TCP11L2: variants seen among roughly 807,000 people sequenced by gnomAD.
TCP11L2 encodes T-complex protein 11-like protein 2.
A neutral mutation model predicts 50.7 loss-of-function variants in TCP11L2; 39 were observed. The ratio of observed to expected loss-of-function variants is 0.77; its 90% CI spans 0.60 to 1.01. The LOEUF (loss-of-function observed/expected upper bound fraction) is 1.01, where lower values mean the gene tolerates loss of function less well. Ranked by LOEUF, TCP11L2 falls within the 50% of genes least tolerant of loss-of-function variation. The pLI, the probability that TCP11L2 is intolerant of heterozygous loss-of-function variation, is 0.00. For missense variants in TCP11L2, 612 were observed against 614.7 expected (o/e 1.00, Z 0.05); for synonymous variants, 192 against 219.3 (o/e 0.88, Z 1.10).
At chr12:106,325,137 A>G (rs2035491725) in intron 6 of TCP11L2, 1 of 152,166 alleles carries the variant, frequency 6.6e-6, no homozygotes, top group African/African-American at 2.4e-5. Context: ...GTTACCCCCC[A>G]TTTTATGGGT....
Position 106,346,291 on chromosome 12 carries a change from C to A in TCP11L2, c.1321C>A (p.Arg441=). ...DNPIWSLIDK[R]IKLYMRRLLC... ...TATCTTTTTTTCCCCTTCAGATAAACGAATTAAGCTTTACATGAGAAGGCT... is the reference window on the plus strand; with the variant it reads ...TATCTTTTTTTCCCCTTCAGATAAAAGAATTAAGCTTTACATGAGAAGGCT... Residue 441 remains arginine, a synonymous_variant, in exon 10 of 10, where the codon CGA becomes AGA. Transcript: ENST00000299045. 2 of 1,595,394 alleles carry A rather than the reference C, an allele frequency of 1.3e-6. No homozygotes were observed. The highest frequency in any genetic ancestry group is 2.2e-5 in the South Asian group (2 of 89,582).
Position 106,323,582 on chromosome 12 carries a change from C to T in TCP11L2, c.708C>T (p.His236=), listed in dbSNP as rs138241328. The T allele has an allele frequency of 6.2e-7, 1 of 1,607,468 alleles. No individual in the cohort carries two copies. The highest frequency in any genetic ancestry group is 8.5e-7 in the Non-Finnish European group (1 of 1,177,052). Residue 236 remains histidine (H), a synonymous_variant, in exon 6 of 10, where the codon CAC becomes CAT. Transcript: ENST00000299045. ...TTACAATTATGAGTCTCAGACCGCA[C>T]CTTCAACGCCAGTTGGTGGAATATG... ...ANFTIMSLRP[H]LQRQLVEYER...
At chr12:106,313,889 C>G (rs1186704685) in intron 2 of TCP11L2, among the ~76,000 whole-genome samples, 2 of 150,766 alleles carry the variant, frequency 1.3e-5, no homozygotes, top group Admixed American at 1.3e-4. Flanking sequence ...CCTCAGCCTT[C>G]CGAGTAGCTG....
chr12:106,298,628 T>A (rs574120531), upstream of TCP11L2, among the ~76,000 whole-genome samples: 1 of 152,098 alleles, frequency 6.6e-6, no homozygotes, highest in Admixed American at 6.5e-5. Flanking sequence ...TTCAAGCAAT[T>A]CTCCTGCCTC....
chr12:106,314,327 C>G (rs2034981166), intron 2 of TCP11L2, 31 bp from the exon 3 acceptor site: 1 of 1,588,724 alleles, frequency 6.3e-7, no homozygotes, highest in Non-Finnish European at 8.6e-7. Context: ...TTTTCTTCTG[C>G]AACATTAACT....
Position 106,335,656 on chromosome 12 carries a change from A to C in TCP11L2, c.790A>C (p.Thr264Pro). The change falls in exon 7 of 10, where the codon ACA (threonine) becomes CCA (proline). Residue 264 changes from threonine (T) to proline (P), a missense_variant. Coordinates refer to ENST00000299045, the MANE Select transcript of TCP11L2 (RefSeq NM_152772.3). ...ACTCTTAGGTGCTCTTGATCAGACT[A>C]CAGAATGGATAAAAGAATCTGTAAA... ...EETPSALDQTTEWIKESVNEE... is the reference protein window; with the variant it reads ...EETPSALDQTPEWIKESVNEE... The C allele has an allele frequency of 6.2e-7, 1 of 1,614,210 alleles. No individual in the cohort carries two copies. The highest frequency in any genetic ancestry group is 1.1e-5 in the South Asian group (1 of 91,086).
In TCP11L2 at chr12:106,344,477, A is replaced by G. The variant is rs2036176729; in HGVS notation, c.1316-1809A>G. Among the ~76,000 whole-genome samples, 3 of 152,244 alleles carry G rather than the reference A, an allele frequency of 2.0e-5. 1 individual carries two copies. In the South Asian group the frequency reaches 6.2e-4, roughly 32 times the overall value. On this transcript the variant is annotated intron_variant, in intron 9 of 9. Transcript: ENST00000299045. ...TAAGGAAAGTCACAGAAAGGAGGTA[A>G]CTTTTGGCACGACATTGAAGGATGC...
chr12:106,312,749 G>A (rs1592933880), intron 2 of TCP11L2, among the ~76,000 whole-genome samples: 1 of 152,276 alleles, frequency 6.6e-6, no homozygotes, highest in African/African-American at 2.4e-5. Flanking sequence ...GAGCATGGTG[G>A]CATGCACCTG....
chr12:106,311,357 C>A, intron 2 of TCP11L2, 125 bp downstream of exon 2: 2 of 1,096,972 alleles, frequency 1.8e-6, no homozygotes, highest in Non-Finnish European at 2.6e-6. Context: ...ACCAGAATAG[C>A]ACTGCAGAGG....
intron 5 of TCP11L2, 110 bp from the exon 6 acceptor site, chr12:106,323,399 TA>T: frequency 1.0e-6 from 1 of 996,062 alleles, no homozygotes; most frequent in Non-Finnish European, 1.4e-6. Flanking sequence ...ATTGGAACTT[TA>T]AAACCATTTT....
At position 106,346,479 on chromosome 12, in the gene TCP11L2, C is replaced by G. The variant is rs767385858; in HGVS notation, c.1509C>G (p.Leu503=). The G allele has an allele frequency of 6.2e-7, 1 of 1,614,112 alleles. No homozygotes were observed. The highest frequency in any genetic ancestry group is 8.5e-7 in the Non-Finnish European group (1 of 1,180,004). Residue 503 remains leucine, a synonymous_variant, in exon 10 of 10, where the codon CTC becomes CTG. Transcript: ENST00000299045. ...ATGCAAATATACTTCGAAAGCTGCT[C>G]TTCAATGAGGAAGCCATGGGGAAGG... ...PFYANILRKL[L]FNEEAMGKVD...
chr12:106,311,899 A>G (rs1376597121), intron 2 of TCP11L2, among the ~76,000 whole-genome samples: 1 of 152,220 alleles, frequency 6.6e-6, no homozygotes, highest in Non-Finnish European at 1.5e-5. Flanking sequence ...AATGCAGGAA[A>G]AAGCAACTAA....
At chr12:106,310,989 TGCCTGTGGAAGTACCACAGAACATTGAC>T in intron 1 of TCP11L2, 24 bp from the exon 2 acceptor site, 1 of 1,446,100 alleles carries the variant, frequency 6.9e-7, no homozygotes, top group South Asian at 1.3e-5. Flanking sequence ...GCATTGGTGG[TGCCTGTGGAAGTACCACAGAACATTGAC>T]GCAGGGTCTG....
At chr12:106,320,237 A>C (rs2035288578) in intron 4 of TCP11L2, among the ~76,000 whole-genome samples, 1 of 152,106 alleles carries the variant, frequency 6.6e-6, no homozygotes, top group African/African-American at 2.4e-5. Context: ...TCTGTAACTA[A>C]AAATACAAAA....
intron 2 of TCP11L2, chr12:106,312,272 T>C: frequency 2.4e-6 from 1 of 418,750 alleles, no homozygotes; most frequent in East Asian, 7.5e-5. Context: ...TTTTTTTTTT[T>C]TTTTTTGCTG....
chr12:106,310,293 C>T (rs1228252031), intron 1 of TCP11L2, among the ~76,000 whole-genome samples: 2 of 152,194 alleles, frequency 1.3e-5, no homozygotes, highest in Non-Finnish European at 2.9e-5. Context: ...TGCTTGTGCA[C>T]TCATAGGGTT....
chr12:106,321,810 A>G, intron 5 of TCP11L2, 104 bp downstream of exon 5: 2 of 889,638 alleles, frequency 2.2e-6, no homozygotes, highest in Non-Finnish European at 3.6e-6. Flanking sequence ...CCCCAAATAA[A>G]TTACTGACCC....
chr12:106,304,191 C>T (rs1038399628), intron 1 of TCP11L2: 2 of 152,360 alleles, frequency 1.3e-5, no homozygotes, highest in Non-Finnish European at 2.9e-5. Flanking sequence ...GCTTCAATGC[C>T]ATTTTGTGAG....
chr12:106,333,784 C>T (rs2035822436), intron 6 of TCP11L2, among the ~76,000 whole-genome samples: 1 of 152,104 alleles, frequency 6.6e-6, no homozygotes, highest in Admixed American at 6.5e-5. Flanking sequence ...GTACATATAA[C>T]AGGTATAAAG....
Sources: gnomAD v4.1 joint callset for allele counts (sites outside exome capture counted in the v4.1 genomes callset) on GRCh38, gnomAD v4.1.1 for gene constraint, MANE v1.5 for transcripts, NCBI Gene and HGNC (gene_info 2026-07-23, HGNC 2026-07-21) for gene names.